The following TLN2 variants were observed in gnomAD, a reference collection of about 807,000 sequenced individuals.
The protein encoded by TLN2 is talin 2, also known as talin-2.
TLN2 carries 118 observed loss-of-function variants against 294.7 expected under a neutral mutation model. That is an observed-to-expected ratio of 0.40 (90% CI 0.34 to 0.47). TLN2 has a LOEUF of 0.47. Among genes scored for constraint, TLN2 ranks in the 20% least tolerant of loss-of-function variants. TLN2 has a pLI of 0.84. For missense variants in TLN2, 3,083 were observed against 3,282.2 expected (o/e 0.94, Z 1.48); for synonymous variants, 1,431 against 1,304.5 (o/e 1.10, Z -2.09).
intron 1 of TLN2, among the ~76,000 whole-genome samples, chr15:62,528,665 G>A (rs2040863640): frequency 7.8e-6 from 1 of 127,566 alleles, no homozygotes; most frequent in African/African-American, 3.1e-5. Context: ...TGTATCCAGA[G>A]CTTGCTTTTT....
At position 62,764,756 on chromosome 15, in the gene TLN2, C is replaced by T. The variant is rs2062887455; in HGVS notation, c.5094+1061C>T. On this transcript the variant is annotated intron_variant, in intron 40 of 58. Coordinates refer to ENST00000636159, the MANE Select transcript of TLN2 (RefSeq NM_015059.3). The stretch of plus-strand genomic sequence containing the variant: ...CTGAGGCGGATGGATCACTTGAGAT[C>T]AGGAGTTCCAGACCAGCCTGGCCAA... 3.9e-5 allele frequency among the ~76,000 whole-genome samples: 6 copies of T among 151,988 alleles called. No individual in the cohort carries two copies. In the South Asian group the frequency reaches 1.0e-3, roughly 26 times the overall value.
intron 1 of TLN2, among the ~76,000 whole-genome samples, chr15:62,529,932 C>G (rs2040951157): frequency 6.6e-6 from 1 of 152,160 alleles, no homozygotes; most frequent in Admixed American, 6.5e-5. Flanking sequence ...TGGCTCATGC[C>G]TGTAATCCCG....
At chr15:62,744,568 A>T (rs1316832420) in intron 32 of TLN2, among the ~76,000 whole-genome samples, 1 of 151,384 alleles carries the variant, frequency 6.6e-6, no homozygotes, top group Non-Finnish European at 1.5e-5. Context: ...TTATTTTGAG[A>T]TGGAATTTCG....
Position 62,763,679 on chromosome 15 carries a change from A to G in TLN2, c.5078A>G (p.Asp1693Gly). Residue 1693 changes from aspartate to glycine, a missense_variant, in exon 40 of 59, where the codon GAC becomes GGC. By Grantham distance (94) the Asp-to-Gly change is moderately conservative. Coordinates refer to ENST00000636159, the MANE Select transcript of TLN2 (RefSeq NM_015059.3). ...GTCAGCCAGAGCCTGGCCACGAGGG[A>G]CGACATCTCTGTGGAGGTAAGCTGG... ...AAVSQSLATRDDISVEALQEQ... is the reference protein window; with the variant it reads ...AAVSQSLATRGDISVEALQEQ... The G allele has an allele frequency of 6.2e-7, 1 of 1,610,256 alleles. No individual in the cohort carries two copies. The highest frequency in any genetic ancestry group is 1.3e-5 in the African/African-American group (1 of 75,012).
At chr15:62,808,171 A>G (rs1007325980) in intron 51 of TLN2, among the ~76,000 whole-genome samples, 1 of 152,222 alleles carries the variant, frequency 6.6e-6, no homozygotes, top group African/African-American at 2.4e-5. Context: ...GCAGAGAGAA[A>G]GACTTACCTA....
At chr15:62,760,839 G>A (rs2062617389) in intron 37 of TLN2, among the ~76,000 whole-genome samples, 1 of 152,108 alleles carries the variant, frequency 6.6e-6, no homozygotes, top group African/African-American at 2.4e-5. Context: ...GATACACACA[G>A]AGAAAACACG....
At position 62,607,048 on chromosome 15, in the gene TLN2, T is replaced by C. The variant is rs918772580; in HGVS notation, c.-161-11303T>C. On this transcript the variant is annotated intron_variant, in intron 2 of 58. Coordinates refer to ENST00000636159, the MANE Select transcript of TLN2 (RefSeq NM_015059.3). The stretch of plus-strand genomic sequence containing the variant: ...GCCCCTTCCTCATCTCCGGATGAGT[T>C]TTCCATATGGTTGGGCCACTCATGC... 2.0e-5 allele frequency among the ~76,000 whole-genome samples: 3 copies of C among 152,084 alleles called. No homozygotes were observed. In the South Asian group the frequency reaches 6.2e-4, roughly 32 times the overall value.
At chr15:62,603,037 C>T (rs12910703) in intron 2 of TLN2, among the ~76,000 whole-genome samples, 30,991 of 151,868 alleles carry the variant, frequency 0.2, 3,608 homozygotes, top group East Asian at 0.41. Flanking sequence ...GGACTACAAG[C>T]GCCAGCCACC....
chr15:62,620,863 G>C (rs1469151003), intron 3 of TLN2, among the ~76,000 whole-genome samples: 1 of 107,468 alleles, frequency 9.3e-6, no homozygotes, highest in African/African-American at 3.6e-5. Context: ...TTTTTTCTGA[G>C]ACGGAGTCTC....
At chr15:62,556,920 CAG>C (rs1567094753) in intron 1 of TLN2, among the ~76,000 whole-genome samples, 2 of 152,126 alleles carry the variant, frequency 1.3e-5, no homozygotes, top group Non-Finnish European at 2.9e-5. Flanking sequence ...TAACTGTAAT[CAG>C]GGGAAAATAT....
At chr15:62,523,351 T>C (rs1333359478) in intron 1 of TLN2, among the ~76,000 whole-genome samples, 1 of 152,208 alleles carries the variant, frequency 6.6e-6, no homozygotes, top group Non-Finnish European at 1.5e-5. Flanking sequence ...GAATAAATAC[T>C]TTGTACAAAC....
chr15:62,391,900 C>T (rs2032118709), intron 1 of TLN2, among the ~76,000 whole-genome samples: 1 of 152,264 alleles, frequency 6.6e-6, no homozygotes, highest in South Asian at 2.1e-4. Context: ...GTGCGCTGGG[C>T]GGCGTCCCGG....
At chr15:62,710,652 G>A (rs2059364944) in intron 21 of TLN2, among the ~76,000 whole-genome samples, 1 of 149,582 alleles carries the variant, frequency 6.7e-6, no homozygotes, top group East Asian at 2.0e-4. Context: ...ATTAGCATTG[G>A]TATTTTAGTG....
At chr15:62,836,997 G>T (rs1272211303) in intron 57 of TLN2, among the ~76,000 whole-genome samples, 1 of 152,120 alleles carries the variant, frequency 6.6e-6, no homozygotes, top group African/African-American at 2.4e-5. Flanking sequence ...TACATCAACT[G>T]ATTATGCCAG....
In TLN2 at chr15:62,755,557, C is replaced by T. The variant is rs1361676107; in HGVS notation, c.4502C>T (p.Ala1501Val). Residue 1501 changes from alanine (A) to valine (V), a missense_variant, in exon 37 of 59, where the codon GCC becomes GTC. Transcript: ENST00000636159. ...SQVLSAATIV[A>V]KHTSALCNAC... ...GTCCTGTCAGCCGCCACAATTGTTG[C>T]CAAGCACACGTCAGCCTTGTGCAAT... The T allele has an allele frequency of 1.2e-6, 2 of 1,614,190 alleles. No individual in the cohort carries two copies. The highest frequency in any genetic ancestry group is 1.3e-5 in the African/African-American group (1 of 75,062).
At chr15:62,772,485 G>A (rs1244793547) in intron 42 of TLN2, among the ~76,000 whole-genome samples, 1 of 152,058 alleles carries the variant, frequency 6.6e-6, no homozygotes, top group Non-Finnish European at 1.5e-5. Context: ...AGTCGTGCCA[G>A]CCCCCTTTGC....
At chr15:62,577,051 C>T (rs2044480263) in intron 1 of TLN2, among the ~76,000 whole-genome samples, 1 of 152,180 alleles carries the variant, frequency 6.6e-6, no homozygotes, top group African/African-American at 2.4e-5. Flanking sequence ...TTACTGTGTG[C>T]AACAGGGATC....
chr15:62,749,440 T>G (rs2061797967), intron 33 of TLN2, among the ~76,000 whole-genome samples: 1 of 152,246 alleles, frequency 6.6e-6, no homozygotes, highest in Non-Finnish European at 1.5e-5. Context: ...ACTCCGTCCC[T>G]TATTGATATC....
chr15:62,523,869 G>A (rs768859442), intron 1 of TLN2, among the ~76,000 whole-genome samples: 1 of 152,238 alleles, frequency 6.6e-6, no homozygotes, highest in Non-Finnish European at 1.5e-5. Context: ...GCACAGTGCT[G>A]TATGAATGCG....
Sources: gnomAD v4.1 joint callset for allele counts (sites outside exome capture counted in the v4.1 genomes callset) on GRCh38, gnomAD v4.1.1 for gene constraint, MANE v1.5 for transcripts, NCBI Gene and HGNC (gene_info 2026-07-23, HGNC 2026-07-21) for gene names.